Variants in OPCML observed in about 807,000 individuals in gnomAD.
OPCML encodes the protein opioid-binding protein/cell adhesion molecule.
A neutral mutation model predicts 37.8 loss-of-function variants in OPCML; 13 were observed. The observed-to-expected ratio is 0.34, with a 90% CI of 0.22 to 0.55. The LOEUF (loss-of-function observed/expected upper bound fraction) is 0.55. Ranked by LOEUF, OPCML falls within the 20% of genes least tolerant of loss-of-function variation. OPCML has a pLI of 0.91. For missense variants in OPCML, 341 were observed against 435.6 expected (o/e 0.78, Z 1.93); for synonymous variants, 176 against 168.8 (o/e 1.04, Z -0.33).
At chr11:133,262,897 G>T (rs1440615800) in intron 1 of OPCML, among the ~76,000 whole-genome samples, 7 of 151,914 alleles carry the variant, frequency 4.6e-5, no homozygotes, top group Non-Finnish European at 8.8e-5. Context: ...CCAGTGGGGT[G>T]CCAGTGGGGC....
At chr11:133,382,825 C>T (rs1284907799) in intron 1 of OPCML, among the ~76,000 whole-genome samples, 2 of 152,162 alleles carry the variant, frequency 1.3e-5, no homozygotes, top group Non-Finnish European at 2.9e-5. Context: ...GAGGGCATCT[C>T]TCCAGATTTA....
intron 1 of OPCML, chr11:133,024,330 A>G (rs1947508511): frequency 3.0e-6 from 3 of 984,604 alleles, no homozygotes; most frequent in South Asian, 9.4e-5. Flanking sequence ...CTGGGAAGGA[A>G]GTGCGTTCTT....
At chr11:133,167,192 C>G (rs1197161275) in intron 1 of OPCML, among the ~76,000 whole-genome samples, 1 of 152,170 alleles carries the variant, frequency 6.6e-6, no homozygotes, top group Non-Finnish European at 1.5e-5. Flanking sequence ...AGTTGTATTT[C>G]TCCAGCGTGC....
intron 1 of OPCML, among the ~76,000 whole-genome samples, chr11:133,463,093 A>T (rs1342072154): frequency 6.8e-6 from 1 of 146,494 alleles, no homozygotes; most frequent in Non-Finnish European, 1.5e-5. Context: ...AAAGGCAAGC[A>T]CTGTATGAGT....
intron 3 of OPCML, 126 bp downstream of exon 3, chr11:132,656,961 C>G (rs559943730): frequency 1.4e-6 from 2 of 1,466,448 alleles, no homozygotes; most frequent in East Asian, 2.4e-5. Context: ...GACATATAGT[C>G]AAACTCTGAA....
intron 1 of OPCML, among the ~76,000 whole-genome samples, chr11:133,070,613 G>A (rs1948516677): frequency 6.6e-6 from 1 of 152,168 alleles, no homozygotes; most frequent in Non-Finnish European, 1.5e-5. Context: ...TCCAAAGAAG[G>A]TGCAACTGAA....
intron 2 of OPCML, among the ~76,000 whole-genome samples, chr11:132,665,186 A>C (rs905591867): frequency 6.6e-6 from 1 of 152,198 alleles, no homozygotes; most frequent in Admixed American, 6.5e-5. Context: ...ATGAGGACAT[A>C]GAGTAGTGGA....
intron 3 of OPCML, among the ~76,000 whole-genome samples, chr11:132,610,537 C>T (rs1938575824): frequency 6.6e-6 from 1 of 152,122 alleles, no homozygotes; most frequent in African/African-American, 2.4e-5. Context: ...CCGAAGAGCA[C>T]TGAGAGAAAA....
rs116241820 is a variant in OPCML at position 132,423,275 on chromosome 11, T to G, written c.917-2982A>C. On this transcript the variant is annotated intron_variant, in intron 7 of 7. Coordinates refer to ENST00000524381, the MANE Select transcript of OPCML (RefSeq NM_001012393.5). ...GCTATGATGAGCACCTGCTTTGTCG[T>G]ATCAAATGCCATAGCAATTTACTGC... is the stretch of plus-strand genomic sequence containing the variant. Among the ~76,000 whole-genome samples the G allele has an allele frequency of 4.8e-3, 735 of 152,326 alleles. 7 individuals are homozygous for G. The highest frequency in any genetic ancestry group is 0.017 in the African/African-American group (695 of 41,558).
At chr11:132,961,631 T>C (rs11223298) in intron 1 of OPCML, among the ~76,000 whole-genome samples, 15,243 of 152,282 alleles carry the variant, frequency 0.1, 962 homozygotes, top group African/African-American at 0.16. Context: ...GAAAAAATCA[T>C]GGTTTCAGAC....
chr11:132,688,468 G>A (rs1943257404), intron 2 of OPCML, among the ~76,000 whole-genome samples: 1 of 152,126 alleles, frequency 6.6e-6, no homozygotes. Flanking sequence ...CTGAAATCCA[G>A]GATATTGGAT....
chr11:132,647,380 A>G (rs1241376364), intron 3 of OPCML, among the ~76,000 whole-genome samples: 1 of 152,236 alleles, frequency 6.6e-6, no homozygotes, highest in Non-Finnish European at 1.5e-5. Context: ...CTTGAATAAT[A>G]TAAGGGCTGG....
At chr11:133,330,770 G>T (rs1004371431) in intron 1 of OPCML, among the ~76,000 whole-genome samples, 11 of 152,162 alleles carry the variant, frequency 7.2e-5, no homozygotes, top group African/African-American at 2.7e-4. Flanking sequence ...CACCAACATG[G>T]CACATGTATA....
At chr11:132,718,194 T>C (rs184017005) in intron 2 of OPCML, among the ~76,000 whole-genome samples, 1 of 152,274 alleles carries the variant, frequency 6.6e-6, no homozygotes, top group Non-Finnish European at 1.5e-5. Context: ...GTGCGCTGTC[T>C]CTGTACTCGC....
intron 1 of OPCML, among the ~76,000 whole-genome samples, chr11:133,446,151 A>T (rs995273419): frequency 3.3e-5 from 5 of 152,138 alleles, no homozygotes; most frequent in African/African-American, 1.2e-4. Context: ...AGACAATGTC[A>T]CTCTGAACTA....
At chr11:133,060,986 C>A (rs535648905) in intron 1 of OPCML, among the ~76,000 whole-genome samples, 2 of 151,792 alleles carry the variant, frequency 1.3e-5, no homozygotes, top group Non-Finnish European at 2.9e-5. Context: ...AAGAGGGATG[C>A]GAGCTAAAGA....
At chr11:133,370,547 C>G (rs1203733600) in intron 1 of OPCML, among the ~76,000 whole-genome samples, 2 of 147,508 alleles carry the variant, frequency 1.4e-5, no homozygotes, top group Non-Finnish European at 3.0e-5. Context: ...AGATTTCTAC[C>G]AGGAAAACTG....
At chr11:132,502,146 T>C (rs2096246927) in intron 4 of OPCML, among the ~76,000 whole-genome samples, 1 of 152,164 alleles carries the variant, frequency 6.6e-6, no homozygotes, top group African/African-American at 2.4e-5. Flanking sequence ...ATCTGTCACC[T>C]TTACCCACCA....
Position 133,243,957 on chromosome 11 carries a change from G to A in OPCML, c.61+288307C>T, listed in dbSNP as rs539419921. Reference sequence around the variant, plus strand: ...GTGCACACCAAGTCCTAAAGGCATCGAGGGAGCTGCTTTGGGAGAGGGGTG... The same window carrying A: ...GTGCACACCAAGTCCTAAAGGCATCAAGGGAGCTGCTTTGGGAGAGGGGTG... On this transcript the variant is annotated intron_variant, in intron 1 of 7. Transcript: ENST00000524381. 5.9e-5 allele frequency among the ~76,000 whole-genome samples: 9 copies of A among 152,300 alleles called. 1 individual carries two copies. In the South Asian group the frequency reaches 1.5e-3, roughly 25 times the overall value.
Sources: allele counts gnomAD v4.1 joint callset (sites outside exome capture counted in the v4.1 genomes callset), GRCh38; gene constraint gnomAD v4.1.1; transcripts MANE v1.5; gene names NCBI Gene and HGNC (gene_info 2026-07-23, HGNC 2026-07-21).